SPEG: variants seen among roughly 807,000 people sequenced by gnomAD.
SPEG encodes the protein striated muscle enriched protein kinase, also known as striated muscle preferentially expressed protein kinase.
SPEG carries 114 observed loss-of-function variants against 300.4 expected under a neutral mutation model. The ratio of observed to expected loss-of-function variants is 0.38; its 90% confidence interval spans 0.33 to 0.44. SPEG has a LOEUF of 0.44. Ranked by LOEUF, SPEG falls within the 20% of genes least tolerant of loss-of-function variation. The probability of loss-of-function intolerance (pLI) is 1.00; values close to 1 mark genes in which losing one functional copy is unlikely to be tolerated. For synonymous variants in SPEG, 1,964 were observed against 2,018.9 expected (o/e 0.97, Z 0.73); for missense variants, 4,201 against 4,586.2 (o/e 0.92, Z 2.43).
chr2:219,466,171 G>A (rs1691332076), intron 9 of SPEG: 1 of 1,511,910 alleles, frequency 6.6e-7, no homozygotes, highest in Admixed American at 2.0e-5. Flanking sequence ...CACAGACCCA[G>A]GCCTGCCGGC....
Position 219,472,967 on chromosome 2 carries a change from C to A in SPEG, c.4018C>A (p.Arg1340=), listed in dbSNP as rs543439721. The A allele has an allele frequency of 3.1e-6, 5 of 1,613,704 alleles. No homozygotes were observed. In the South Asian group the frequency reaches 4.4e-5, roughly 14 times the overall value. Residue 1340 remains arginine, a synonymous_variant, in exon 16 of 41, where the codon CGG becomes AGG. Transcript: ENST00000312358. ...DQWTALVTGL[R]EPGWAATGLR... ...GTGGACGGCACTGGTCACAGGCCTG[C>A]GGGAGCCAGGGTGGGCAGCCACAGG...
Position 219,477,630 on chromosome 2 carries a change from G to A in SPEG, c.4730-59G>A. 2 of 1,460,724 alleles carry A rather than the reference G, an allele frequency of 1.4e-6. No individual in the cohort carries two copies. The highest frequency in any genetic ancestry group is 1.9e-6 in the Non-Finnish European group (2 of 1,074,460). 90.5% of individuals were successfully genotyped at this position (1,460,724 alleles called of 1,614,324 possible). ...CTTCTTCTTCTGTCCACCTGTCCCA[G>A]TCTCTGGCCTGCTTGCTTTCTTCCC... On this transcript the variant is annotated intron_variant, in intron 20 of 40. Transcript: ENST00000312358. The surrounding 1 kb of genome is among the most constrained non-coding windows in gnomAD (Gnocchi z 6.4).
rs1176866285 is a variant in SPEG at position 219,469,163 on chromosome 2, C to A, written c.3499C>A (p.Leu1167Met). Residue 1167 changes from leucine to methionine, a missense_variant, in exon 13 of 41, where the codon CTG becomes ATG. Leu to Met is a conservative substitution (Grantham distance 15). Coordinates refer to ENST00000312358, the MANE Select transcript of SPEG (RefSeq NM_005876.5). ...AGCTGTGTGGTCTTGCAGCTCGAAG[C>A]TGGAGAAGATGCCATCCATTCCCGA... ...RTAASGPSSK[L>M]EKMPSIPEEP... is the part of the protein sequence containing the mutation. 1.9e-6 allele frequency: 3 copies of A among 1,613,724 alleles called. No homozygotes were observed. The Admixed American group carries it at 5.0e-5, about 27-fold the overall frequency.
Position 219,473,202 on chromosome 2 carries a change from G to A in SPEG, c.4147+106G>A, listed in dbSNP as rs1692045151. ...ATGGCCTGGACATGGTAACTGGCAG[G>A]AGCAGCCTAGCCGGGCGGGACCTTG... On this transcript the variant is annotated intron_variant, in intron 16 of 40. Transcript: ENST00000312358. This position sits in a 1 kb window ranked among gnomAD's most constrained non-coding sequence, Gnocchi z 4.6. 1 of 1,149,268 alleles carries A rather than the reference G, an allele frequency of 8.7e-7. No homozygotes were observed. The highest frequency in any genetic ancestry group is 1.5e-5 in the African/African-American group (1 of 65,562). 71.2% of individuals were successfully genotyped at this position (1,149,268 alleles called of 1,614,324 possible).
rs781596457 is a variant in SPEG, at chr2:219,482,864, A to C, written c.5634+12A>C. 2.9e-5 allele frequency: 46 copies of C among 1,612,694 alleles called. No homozygotes were observed. The highest frequency in any genetic ancestry group is 3.7e-5 in the Non-Finnish European group (44 of 1,179,180). On this transcript the variant is annotated intron_variant, in intron 29 of 40. Coordinates refer to ENST00000312358, the MANE Select transcript of SPEG (RefSeq NM_005876.5). ...GGCGGAGGTGGCAGGTAAGTGTGGC[A>C]GGCCAGCCTCTGTGCTTTCCACCTT...
In SPEG at chr2:219,468,924, A is replaced by G. The variant is rs773753085; in HGVS notation, c.3367A>G (p.Ile1123Val). 4.3e-6 allele frequency: 7 copies of G among 1,613,898 alleles called. No individual in the cohort carries two copies. In the African/African-American group the frequency reaches 5.3e-5, roughly 12 times the overall value. Residue 1123 changes from isoleucine to valine, a missense_variant, in exon 12 of 41, where the codon ATT becomes GTT. Transcript: ENST00000312358. The part of the protein sequence containing the change: ...RQDGGLHSLH[I>V]AHVGSEDEGL... Reference sequence around the variant, plus strand: ...GGACGGGGGTCTGCACTCACTGCACATTGCCCATGTGGGCAGCGAGGACGA... The same window carrying G: ...GGACGGGGGTCTGCACTCACTGCACGTTGCCCATGTGGGCAGCGAGGACGA...
At chr2:219,492,411 G>A in intron 40 of SPEG, 151 bp downstream of exon 40, 1 of 1,139,802 alleles carries the variant, frequency 8.8e-7, no homozygotes, top group Non-Finnish European at 1.2e-6. Context: ...GCCTGAGGCA[G>A]CCCCGTGCAA....
Position 219,483,946 on chromosome 2 carries a change from ACAG to A in SPEG, c.6484_6486del (p.Gln2162del). ...TGGCCAGGCTTGGGGCCCGTAGGCTACAGGAGTCTCCTTCCCTGTCTGCCCTCA... is the reference window on the plus strand; with the variant it reads ...TGGCCAGGCTTGGGGCCCGTAGGCTAGAGTCTCCTTCCCTGTCTGCCCTCA... On this transcript the variant is annotated inframe_deletion, in exon 30 of 41. Coordinates refer to ENST00000312358, the MANE Select transcript of SPEG (RefSeq NM_005876.5). 6.2e-7 allele frequency: 1 copy of A among 1,606,370 alleles called. No homozygotes were observed. Among genetic ancestry groups the A allele is most frequent in the Non-Finnish European group, 8.5e-7 (1 of 1,179,744 alleles).
chr2:219,475,918 G>A (rs559260774), intron 18 of SPEG, among the ~76,000 whole-genome samples: 28 of 152,118 alleles, frequency 1.8e-4, no homozygotes, highest in South Asian at 1.5e-3. Flanking sequence ...GGCCTCCCCC[G>A]TTGTCTGTGT....
At position 219,466,109 on chromosome 2, in the gene SPEG, G is replaced by A. The variant is rs369999816; in HGVS notation, c.2882-1065G>A. The A allele has an allele frequency of 1.7e-3, 2,678 of 1,590,486 alleles. 4 individuals are homozygous for A. Among genetic ancestry groups the A allele is most frequent in the Non-Finnish European group, 2.0e-3 (2,404 of 1,174,424 alleles). On this transcript the variant is annotated intron_variant, in intron 9 of 40. Transcript: ENST00000312358. ...CTCCCCCCGCTACCCTCCGAGCCGCGCCCCTGTCTCAGGCACCTCTCGGAC... is the reference window on the plus strand; with the variant it reads ...CTCCCCCCGCTACCCTCCGAGCCGCACCCCTGTCTCAGGCACCTCTCGGAC...
In SPEG at chr2:219,493,134, G is replaced by A. The variant is rs1380484901; in HGVS notation, c.*348G>A. ...CTGGGTTGGGGGTCAGTGCATCTCA[G>A]GGAGAACCAAGGAAGGTGGGCATGG... is the stretch of plus-strand genomic sequence containing the variant. On this transcript the variant is annotated 3_prime_UTR_variant, in exon 41 of 41. Transcript: ENST00000312358. 1 of 503,314 alleles carries A rather than the reference G, an allele frequency of 2.0e-6. No homozygotes were observed. The highest frequency in any genetic ancestry group is 1.9e-5 in the African/African-American group (1 of 52,112). The allele number at this position is 503,314 out of a possible 1,614,324, so 31.2% of individuals were successfully genotyped here. A position where few individuals can be genotyped will look rare whatever the true frequency, so the allele number is the denominator to read the frequency against.
At position 219,439,391 on chromosome 2, in the gene SPEG, A is replaced by C. The variant is rs1301129048; in HGVS notation, c.388+4026A>C. ...AGTGAGGGGAGACAGACAATACACA[A>C]TAAACATAGTAAATAGGTAAATTAC... On this transcript the variant is annotated intron_variant, in intron 1 of 40. Transcript: ENST00000312358. The surrounding 1 kb of genome is among the most constrained non-coding windows in gnomAD (Gnocchi z 4.5). Among the ~76,000 whole-genome samples the C allele has an allele frequency of 6.6e-6, 1 of 152,194 alleles. No individual in the cohort carries two copies. The highest frequency in any genetic ancestry group is 2.4e-5 in the African/African-American group (1 of 41,442).
chr2:219,491,851 G>A lies in SPEG; in HGVS notation c.9443G>A (p.Gly3148Asp). The change falls in exon 39 of 41, where the codon GGT becomes GAT. Residue 3148 changes from glycine (G) to aspartate (D), a missense_variant. Gly to Asp is a moderately conservative substitution (Grantham distance 94). This residue lies in a region of SPEG where 318 missense variants were observed against 429.5 expected (regional missense o/e 0.74). Coordinates refer to ENST00000312358, the MANE Select transcript of SPEG (RefSeq NM_005876.5). ...TCTGCCACGGACATCTGGGGAGCGG[G>A]TGTGCTCACTTACATTATGTGAGTG... is the stretch of plus-strand genomic sequence containing the variant. ...IGSATDIWGA[G>D]VLTYIMLSGR... is the part of the protein sequence containing the mutation. 6.2e-7 allele frequency: 1 copy of A among 1,611,218 alleles called. No individual in the cohort carries two copies. Among genetic ancestry groups the A allele is most frequent in the South Asian group, 1.1e-5 (1 of 90,828 alleles).
chr2:219,461,862 C>T lies in SPEG; in HGVS notation c.2441-20C>T, dbSNP rs1208972583. Reference sequence around the variant, plus strand: ...CTCTGCTCGCCTTCCTCCCTGGTAGCTATCTCTGTCTCTCTCCAGGTGGGT... The same window carrying T: ...CTCTGCTCGCCTTCCTCCCTGGTAGTTATCTCTGTCTCTCTCCAGGTGGGT... On this transcript the variant is annotated intron_variant, in intron 6 of 40. Coordinates refer to ENST00000312358, the MANE Select transcript of SPEG (RefSeq NM_005876.5). 11 of 1,610,616 alleles carry T rather than the reference C, an allele frequency of 6.8e-6. No homozygotes were observed. Among genetic ancestry groups the T allele is most frequent in the Non-Finnish European group, 9.3e-6 (11 of 1,178,046 alleles).
chr2:219,462,793 T>C (rs1690849779), intron 8 of SPEG, among the ~76,000 whole-genome samples: 2 of 152,154 alleles, frequency 1.3e-5, no homozygotes, highest in Non-Finnish European at 2.9e-5. Flanking sequence ...TGGTGCATGC[T>C]TGTAATCCCA....
In SPEG at chr2:219,482,863, C is replaced by T. The variant is rs1278066233; in HGVS notation, c.5634+11C>T. On this transcript the variant is annotated intron_variant, in intron 29 of 40. Transcript: ENST00000312358. ...CGGCGGAGGTGGCAGGTAAGTGTGG[C>T]AGGCCAGCCTCTGTGCTTTCCACCT... 1.2e-6 allele frequency: 2 copies of T among 1,612,658 alleles called. No homozygotes were observed. The highest frequency in any genetic ancestry group is 1.7e-4 in the Middle Eastern group (1 of 6,056).
rs776266238 is a variant in SPEG, at chr2:219,489,321, TTC to T, written c.8318-5_8318-4del. On this transcript the variant is annotated splice_polypyrimidine_tract_variant and intron_variant, in intron 35 of 40. Transcript: ENST00000312358. Reference sequence around the variant, plus strand: ...GCCCCAAGGCACCACGGTGATGATTTTCTCTCTCTCTTAGATTCTTCAGCTGT... The same window carrying T: ...GCCCCAAGGCACCACGGTGATGATTTTCTCTCTCTTAGATTCTTCAGCTGT... 2.5e-6 allele frequency: 4 copies of T among 1,613,300 alleles called. No homozygotes were observed. Among genetic ancestry groups the T allele is most frequent in the South Asian group, 2.2e-5 (2 of 91,036 alleles).
intron 31 of SPEG, among the ~76,000 whole-genome samples, chr2:219,486,165 C>T (rs953635474): frequency 2.6e-5 from 4 of 152,252 alleles, no homozygotes; most frequent in Non-Finnish European, 4.4e-5. Flanking sequence ...TTGCCCTCTT[C>T]TGTTTCTCTG....
chr2:219,460,205 G>A (rs1690540173), intron 6 of SPEG: 1 of 693,994 alleles, frequency 1.4e-6, no homozygotes, highest in Non-Finnish European at 1.8e-6. Flanking sequence ...ACCTTCCATG[G>A]CAGGGATGAG....
Sources: gnomAD v4.1 joint callset for allele counts (sites outside exome capture counted in the v4.1 genomes callset) on GRCh38, gnomAD v4.1.1 for gene constraint, gnomAD v4.1.1 regional missense constraint, Gnocchi (gnomAD v3.1) non-coding constraint, MANE v1.5 for transcripts, NCBI Gene and HGNC (gene_info 2026-07-23, HGNC 2026-07-21) for gene names.